Variants in RHOH observed in about 807,000 individuals in gnomAD.
The protein encoded by RHOH is ras homolog family member H, also known as rho-related GTP-binding protein RhoH.
RHOH carries 6 observed loss-of-function variants against 13.8 expected under a neutral mutation model. The observed-to-expected ratio is 0.44, with a 90% confidence interval of 0.24 to 0.86. The LOEUF (loss-of-function observed/expected upper bound fraction) is 0.86. RHOH is among the 40% of genes least tolerant of loss of function. The pLI, the probability that RHOH is intolerant of heterozygous loss-of-function variation, is 0.24. For synonymous variants in RHOH, 117 were observed against 103.0 expected (o/e 1.14, Z -0.82); for missense variants, 147 against 244.5 (o/e 0.60, Z 2.66).
chr4:40,244,063 C>T lies in RHOH; in HGVS notation c.*101C>T, dbSNP rs1263962561. ...GAAAGCTTGGTGTTTTCTCTGGGTA[C>T]ACCCCAAGCAGCGTCTCCTTTTGGA... On this transcript the variant is annotated 3_prime_UTR_variant, in exon 3 of 3. Transcript: ENST00000381799. The T allele has an allele frequency of 4.3e-6, 4 of 926,244 alleles. No homozygotes were observed. The highest frequency in any genetic ancestry group is 1.7e-5 in the African/African-American group (1 of 59,582). The allele number at this position is 926,244 out of a possible 1,614,324, so 57.4% of individuals were successfully genotyped here.
chr4:40,215,679 A>G (rs1360550960), intron 1 of RHOH, among the ~76,000 whole-genome samples: 1 of 152,256 alleles, frequency 6.6e-6, no homozygotes, highest in Non-Finnish European at 1.5e-5. Context: ...CTGTAATCCC[A>G]GCACTTTGGG....
chr4:40,244,141 C>T lies in RHOH; in HGVS notation c.*179C>T. 3.8e-6 allele frequency: 2 copies of T among 529,532 alleles called. No homozygotes were observed. The highest frequency in any genetic ancestry group is 7.2e-5 in the South Asian group (2 of 27,780). The allele number at this position is 529,532 out of a possible 1,614,324, so 32.8% of individuals were successfully genotyped here. ...GGATGTTTTCACTAACTACACTCTA[C>T]AAGTGAACTCCTTGCCCAGGCCAGT... On this transcript the variant is annotated 3_prime_UTR_variant, in exon 3 of 3. Coordinates refer to ENST00000381799, the MANE Select transcript of RHOH (RefSeq NM_004310.5).
Position 40,244,309 on chromosome 4 carries a change from G to A in RHOH, c.*347G>A, listed in dbSNP as rs1729613121. The A allele has an allele frequency of 3.8e-6, 1 of 266,172 alleles. No homozygotes were observed. 16.5% of individuals were successfully genotyped at this position (266,172 alleles called of 1,614,324 possible). A position where few individuals can be genotyped will look rare whatever the true frequency, so the allele number is the denominator to read the frequency against. Reference sequence around the variant, plus strand: ...CATTTTATTTAACTAATAACAAAATGTATTGCTTTTGTATATATTTAGTTT... The same window carrying A: ...CATTTTATTTAACTAATAACAAAATATATTGCTTTTGTATATATTTAGTTT... On this transcript the variant is annotated 3_prime_UTR_variant, in exon 3 of 3. Coordinates refer to ENST00000381799, the MANE Select transcript of RHOH (RefSeq NM_004310.5).
chr4:40,212,442 A>G (rs1459052037), intron 1 of RHOH, among the ~76,000 whole-genome samples: 1 of 152,220 alleles, frequency 6.6e-6, no homozygotes, highest in African/African-American at 2.4e-5. Context: ...TACCGGTGCT[A>G]TTTGAAGTCA....
chr4:40,215,183 CA>C (rs2109421570), intron 1 of RHOH, among the ~76,000 whole-genome samples: 1 of 152,262 alleles, frequency 6.6e-6, no homozygotes, highest in Non-Finnish European at 1.5e-5. Context: ...TACGAGACAT[CA>C]GGGGTATCAG....
At chr4:40,197,901 C>G (rs1463409903) in intron 1 of RHOH, among the ~76,000 whole-genome samples, 1 of 152,188 alleles carries the variant, frequency 6.6e-6, no homozygotes, top group Non-Finnish European at 1.5e-5. Context: ...TGAGTTGTAA[C>G]TAAACAAAGT....
At chr4:40,217,435 G>A (rs1560697045) in intron 1 of RHOH, among the ~76,000 whole-genome samples, 2 of 152,182 alleles carry the variant, frequency 1.3e-5, no homozygotes, top group Non-Finnish European at 1.5e-5. Flanking sequence ...ACATAGATAA[G>A]CACACACAAA....
chr4:40,201,017 C>T (rs1047610083), intron 1 of RHOH, among the ~76,000 whole-genome samples: 1 of 152,216 alleles, frequency 6.6e-6, no homozygotes, highest in African/African-American at 2.4e-5. Flanking sequence ...GTGACCTCTT[C>T]CCCATTTCGT....
chr4:40,193,146 C>T (rs1722777935), upstream of RHOH: 1 of 152,428 alleles, frequency 6.6e-6, no homozygotes, highest in African/African-American at 2.4e-5. Context: ...GCCGTGTTAA[C>T]ACGACGTGCT....
chr4:40,192,312 T>C (rs566225938), upstream of RHOH, among the ~76,000 whole-genome samples: 1 of 152,306 alleles, frequency 6.6e-6, no homozygotes, highest in South Asian at 2.1e-4. Flanking sequence ...GTGGCATAAA[T>C]GAGGGTCTGT....
chr4:40,216,996 C>T (rs1725969521), intron 1 of RHOH, among the ~76,000 whole-genome samples: 1 of 152,154 alleles, frequency 6.6e-6, no homozygotes, highest in Non-Finnish European at 1.5e-5. Context: ...CTTAGTTCTC[C>T]TAGAAATCTT....
chr4:40,220,865 A>G (rs1413581471), intron 1 of RHOH, among the ~76,000 whole-genome samples: 2 of 152,230 alleles, frequency 1.3e-5, no homozygotes, highest in African/African-American at 2.4e-5. Flanking sequence ...GGGTCATTAT[A>G]TATTTGTTTT....
intron 1 of RHOH, among the ~76,000 whole-genome samples, chr4:40,232,926 T>A (rs1728116170): frequency 6.6e-6 from 1 of 152,156 alleles, no homozygotes; most frequent in Non-Finnish European, 1.5e-5. Context: ...AAATCACCAC[T>A]CCTTTCTCCC....
intron 1 of RHOH, among the ~76,000 whole-genome samples, chr4:40,201,871 T>A (rs187573418): frequency 2.6e-5 from 4 of 151,802 alleles, no homozygotes; most frequent in Non-Finnish European, 4.4e-5. Context: ...CACTGTATTA[T>A]CATTTATAGC....
chr4:40,217,041 C>A (rs748997164), intron 1 of RHOH, among the ~76,000 whole-genome samples: 3 of 152,128 alleles, frequency 2.0e-5, no homozygotes, highest in Non-Finnish European at 2.9e-5. Context: ...TGGACACAGT[C>A]CAAATCACTG....
At chr4:40,205,931 G>A (rs939500268) in intron 1 of RHOH, 5 of 152,206 alleles carry the variant, frequency 3.3e-5, no homozygotes, top group African/African-American at 1.2e-4. Context: ...CCAGTAATCA[G>A]TGTGCCTTCA....
intron 1 of RHOH, among the ~76,000 whole-genome samples, chr4:40,202,188 C>G (rs1303280339): frequency 6.6e-6 from 1 of 152,018 alleles, no homozygotes; most frequent in Non-Finnish European, 1.5e-5. Context: ...ATCAAGTGAT[C>G]CTCCTGCCTT....
intron 1 of RHOH, among the ~76,000 whole-genome samples, chr4:40,203,100 T>C (rs755951928): frequency 3.9e-5 from 6 of 151,944 alleles, no homozygotes; most frequent in Non-Finnish European, 7.4e-5. Context: ...GCCTCCGGAG[T>C]AGCTGGGAAT....
chr4:40,204,687 G>C (rs1323789095), intron 1 of RHOH, among the ~76,000 whole-genome samples: 2 of 152,188 alleles, frequency 1.3e-5, no homozygotes, highest in African/African-American at 4.8e-5. Flanking sequence ...ACTGACATCA[G>C]ATTAAGCCCC....
Sources: gnomAD v4.1 joint callset for allele counts (sites outside exome capture counted in the v4.1 genomes callset) on GRCh38, gnomAD v4.1.1 for gene constraint, MANE v1.5 for transcripts, NCBI Gene and HGNC (gene_info 2026-07-23, HGNC 2026-07-21) for gene names.